The following OR1J2 variants were observed in gnomAD, a reference collection of about 807,000 sequenced individuals.
OR1J2 encodes the protein olfactory receptor family 1 subfamily J member 2, also known as olfactory receptor 1J2.
For synonymous variants in OR1J2, 142 were observed against 99.7 expected (o/e 1.42, Z -2.52); for missense variants, 304 against 246.1 (o/e 1.24, Z -1.57).
At chr9:122,545,604 T>G in the OR1J2 span, among the ~76,000 whole-genome samples, 13 of 152,230 alleles carry the variant, frequency 8.5e-5, no homozygotes, top group South Asian at 6.2e-4. Flanking sequence ...TGTCTTGAAG[T>G]CTATATTGTC....
the OR1J2 span, among the ~76,000 whole-genome samples, chr9:122,529,533 A>G: frequency 6.6e-6 from 1 of 152,218 alleles, no homozygotes; most frequent in Non-Finnish European, 1.5e-5. Flanking sequence ...AAAAGGGTCC[A>G]AAGCAGCCTA....
At chr9:122,575,003 C>A in the OR1J2 span, among the ~76,000 whole-genome samples, 1 of 151,898 alleles carries the variant, frequency 6.6e-6, no homozygotes, top group Non-Finnish European at 1.5e-5. Flanking sequence ...ATTACAATAA[C>A]TGATTTTGGA....
chr9:122,462,035 A>C, the OR1J2 span, among the ~76,000 whole-genome samples: 1 of 151,944 alleles, frequency 6.6e-6, no homozygotes, highest in African/African-American at 2.4e-5. Context: ...CCCCACTATT[A>C]CTGTGTTGCC....
the OR1J2 span, among the ~76,000 whole-genome samples, chr9:122,470,705 C>T: frequency 3.9e-5 from 6 of 152,140 alleles, no homozygotes; most frequent in Non-Finnish European, 7.3e-5. Context: ...ATGAATGCAG[C>T]GGGGAGGGAG....
the OR1J2 span, among the ~76,000 whole-genome samples, chr9:122,533,124 A>C: frequency 6.6e-6 from 1 of 152,124 alleles, no homozygotes; most frequent in Non-Finnish European, 1.5e-5. Context: ...CATGTTCGAG[A>C]TCCAGAACAG....
At chr9:122,571,568 T>C in the OR1J2 span, among the ~76,000 whole-genome samples, 1 of 137,260 alleles carries the variant, frequency 7.3e-6, no homozygotes, top group Non-Finnish European at 1.6e-5. Flanking sequence ...AAAAAAAAAT[T>C]AGCTGAGTGT....
chr9:122,476,102 C>T, the OR1J2 span, among the ~76,000 whole-genome samples: 1 of 152,172 alleles, frequency 6.6e-6, no homozygotes, highest in Non-Finnish European at 1.5e-5. Flanking sequence ...AGATCAGTCC[C>T]TGAGAGAACT....
the OR1J2 span, chr9:122,553,277 G>A: frequency 6.2e-7 from 1 of 1,613,962 alleles, no homozygotes; most frequent in Non-Finnish European, 8.5e-7. Context: ...GACTCTCTGA[G>A]TGGCCAGAGG....
the OR1J2 span, among the ~76,000 whole-genome samples, chr9:122,497,278 C>T: frequency 1.3e-5 from 2 of 152,158 alleles, no homozygotes; most frequent in Non-Finnish European, 2.9e-5. Context: ...GGATGTGAGT[C>T]CCCACGTGCT....
chr9:122,572,035 G>A, the OR1J2 span, among the ~76,000 whole-genome samples: 4 of 152,182 alleles, frequency 2.6e-5, no homozygotes, highest in African/African-American at 9.7e-5. Flanking sequence ...ATGGTGGAAG[G>A]CAAAGCCGGA....
At chr9:122,538,839 C>T in the OR1J2 span, among the ~76,000 whole-genome samples, 1 of 152,232 alleles carries the variant, frequency 6.6e-6, no homozygotes, top group East Asian at 1.9e-4. Context: ...AATGGGTATA[C>T]ATGAGCATAG....
the OR1J2 span, among the ~76,000 whole-genome samples, chr9:122,466,921 C>T: frequency 9.2e-4 from 140 of 152,176 alleles, no homozygotes; most frequent in African/African-American, 3.3e-3. Flanking sequence ...TGGGTTCAAG[C>T]GATTCTCCTG....
At chr9:122,570,630 C>G in the OR1J2 span, among the ~76,000 whole-genome samples, 23 of 152,234 alleles carry the variant, frequency 1.5e-4, no homozygotes, top group South Asian at 8.3e-4. Flanking sequence ...ACAAGCTGTT[C>G]CCCAGCCACC....
chr9:122,458,363 T>A, the OR1J2 span, among the ~76,000 whole-genome samples: 1 of 152,252 alleles, frequency 6.6e-6, no homozygotes, highest in Non-Finnish European at 1.5e-5. Flanking sequence ...TCTAGTTTTC[T>A]GTATATTTAT....
At chr9:122,523,091 G>C in the OR1J2 span, among the ~76,000 whole-genome samples, 1 of 152,318 alleles carries the variant, frequency 6.6e-6, no homozygotes, top group East Asian at 1.9e-4. Context: ...ATGCTGCCTG[G>C]ATATCAGCAA....
chr9:122,497,453 G>T, the OR1J2 span, among the ~76,000 whole-genome samples: 7 of 152,168 alleles, frequency 4.6e-5, no homozygotes, highest in Non-Finnish European at 8.8e-5. Context: ...TAGTTTGTGT[G>T]TGTAGAGGTA....
At chr9:122,479,727 C>A in the OR1J2 span, among the ~76,000 whole-genome samples, 59 of 152,276 alleles carry the variant, frequency 3.9e-4, no homozygotes, top group Middle Eastern at 3.4e-3. Flanking sequence ...AGCTGGATGT[C>A]TTATTTTGGT....
the OR1J2 span, among the ~76,000 whole-genome samples, chr9:122,487,352 G>T: frequency 6.6e-6 from 1 of 151,956 alleles, no homozygotes; most frequent in Non-Finnish European, 1.5e-5. Flanking sequence ...AAACACCAGA[G>T]AATAATAATA....
At chr9:122,484,011 A>AAT in the OR1J2 span, among the ~76,000 whole-genome samples, 4 of 152,038 alleles carry the variant, frequency 2.6e-5, no homozygotes, top group East Asian at 3.9e-4. Context: ...ATATATCAGT[A>AAT]ATATATATAT....
Sources: allele counts gnomAD v4.1 joint callset (sites outside exome capture counted in the v4.1 genomes callset), GRCh38; gene constraint gnomAD v4.1.1; transcripts MANE v1.5; gene names NCBI Gene and HGNC (gene_info 2026-07-23, HGNC 2026-07-21).